EFCAB3: variants seen among roughly 807,000 people sequenced by gnomAD.
EFCAB3 encodes EF-hand calcium binding domain 3, also known as EF-hand calcium-binding domain-containing protein 3.
Under a neutral mutation model 42.2 loss-of-function variants are expected in EFCAB3, and 36 were observed. That is an observed-to-expected ratio of 0.85 (90% CI 0.65 to 1.13). EFCAB3 has a LOEUF of 1.13. EFCAB3 is among the 50% of genes most tolerant of loss of function. The pLI is 0.00. For missense variants in EFCAB3, 418 were observed against 505.1 expected, an observed-to-expected ratio of 0.83 and a Z score of 1.65; for synonymous variants, 170 against 172.8, an observed-to-expected ratio of 0.98 and a Z score of 0.13.
chr17:62,389,635 A>G (rs2144074419), intron 3 of EFCAB3, among the ~76,000 whole-genome samples: 1 of 152,276 alleles, frequency 6.6e-6, no homozygotes, highest in Non-Finnish European at 1.5e-5. Flanking sequence ...GAATTTCCGT[A>G]GACCCTCACC....
chr17:62,371,276 C>T (rs756667248), intron 1 of EFCAB3, among the ~76,000 whole-genome samples: 3 of 151,984 alleles, frequency 2.0e-5, no homozygotes, highest in Admixed American at 6.6e-5. Flanking sequence ...CCTGACTTGC[C>T]GGGCGCGGTG....
At chr17:62,412,709 C>T (rs375021454) in intron 8 of EFCAB3, among the ~76,000 whole-genome samples, 1 of 152,054 alleles carries the variant, frequency 6.6e-6, no homozygotes, top group East Asian at 1.9e-4. Flanking sequence ...ATCCACCCTC[C>T]TCAGCCTCCC....
chr17:62,406,474 T>C lies in EFCAB3; in HGVS notation c.489-6T>C, dbSNP rs531800638. On this transcript the variant is annotated splice_polypyrimidine_tract_variant and splice_region_variant and intron_variant, in intron 6 of 9. Transcript: ENST00000305286. ...ATCCATTTCTGAATTACTTTTTTTT[T>C]TAAAGCTATTTCCAAAGAAAATTCC... 6 of 1,566,256 alleles carry C rather than the reference T, an allele frequency of 3.8e-6. No homozygotes were observed. The highest frequency in any genetic ancestry group is 5.2e-6 in the Non-Finnish European group (6 of 1,157,140).
chr17:62,382,975 G>A lies in EFCAB3; in HGVS notation c.-5G>A, dbSNP rs2070216045. ...TTCTGAATTCCAGACAGAGTCACTG[G>A]CCACATGGCAGTTTCAGAAATTAAA... On this transcript the variant is annotated 5_prime_UTR_variant, in exon 2 of 10. Coordinates refer to ENST00000305286, the MANE Select transcript of EFCAB3 (RefSeq NM_173503.4). 3 of 1,612,696 alleles carry A rather than the reference G, an allele frequency of 1.9e-6. No homozygotes were observed. The highest frequency in any genetic ancestry group is 1.3e-5 in the African/African-American group (1 of 74,924).
At chr17:62,385,219 G>A (rs960080351) in intron 2 of EFCAB3, among the ~76,000 whole-genome samples, 2 of 152,146 alleles carry the variant, frequency 1.3e-5, no homozygotes, top group Admixed American at 1.3e-4. Context: ...AGAGGTGGGA[G>A]GAACACTTGA....
chr17:62,394,468 A>C (rs2070332332), intron 5 of EFCAB3, among the ~76,000 whole-genome samples: 1 of 152,196 alleles, frequency 6.6e-6, no homozygotes, highest in South Asian at 2.1e-4. Context: ...GTTAGAGAGC[A>C]TTAAGGTGTC....
chr17:62,393,453 C>A, intron 4 of EFCAB3, 120 bp from the exon 5 acceptor site: 1 of 787,504 alleles, frequency 1.3e-6, no homozygotes, highest in South Asian at 2.1e-5. Flanking sequence ...ATTTCCAGCC[C>A]TCAAATGCTC....
intron 4 of EFCAB3, among the ~76,000 whole-genome samples, 171 bp downstream of exon 4, chr17:62,392,136 C>G (rs1048721755): frequency 6.8e-6 from 1 of 147,982 alleles, no homozygotes; most frequent in Non-Finnish European, 1.5e-5. Flanking sequence ...TATATATACA[C>G]AAATATATAG....
chr17:62,378,205 G>A (rs555602090), upstream of EFCAB3, among the ~76,000 whole-genome samples: 14 of 152,194 alleles, frequency 9.2e-5, no homozygotes, highest in Admixed American at 5.9e-4. Flanking sequence ...TACCTTTATA[G>A]TCCACACCAC....
intron 2 of EFCAB3, among the ~76,000 whole-genome samples, chr17:62,385,864 C>T (rs1453413001): frequency 9.3e-5 from 14 of 150,594 alleles, no homozygotes; most frequent in East Asian, 3.9e-4. Context: ...GGACTACAGG[C>T]GCCCGCCACC....
intron 4 of EFCAB3, among the ~76,000 whole-genome samples, chr17:62,392,239 ATG>A (rs2070309545): frequency 6.6e-6 from 1 of 150,746 alleles, no homozygotes; most frequent in South Asian, 2.1e-4. Context: ...CCATATATCT[ATG>A]TATACACCAC....
At chr17:62,400,435 G>A (rs111641967) in intron 6 of EFCAB3, among the ~76,000 whole-genome samples, 7,394 of 152,120 alleles carry the variant, frequency 0.049, 617 homozygotes, top group African/African-American at 0.17. Context: ...GTGTCCAAGT[G>A]TTCTCATTGT....
chr17:62,416,398 G>T lies in EFCAB3; in HGVS notation c.*69G>T. On this transcript the variant is annotated 3_prime_UTR_variant, in exon 10 of 10. Transcript: ENST00000305286. ...ATAGTTATCAAAATTATTGTTTCTT[G>T]CTTTTGTCTAAGTACATTCTTAGAA... 1.6e-6 allele frequency: 2 copies of T among 1,275,018 alleles called. No homozygotes were observed. Among genetic ancestry groups the T allele is most frequent in the Non-Finnish European group, 2.1e-6 (2 of 937,574 alleles). 79.0% of individuals were successfully genotyped at this position (1,275,018 alleles called of 1,614,324 possible). A position where few individuals can be genotyped will look rare whatever the true frequency, so the allele number is the denominator to read the frequency against.
chr17:62,371,431 G>A (rs1015737328), intron 1 of EFCAB3, among the ~76,000 whole-genome samples: 16 of 151,968 alleles, frequency 1.1e-4, no homozygotes, highest in African/African-American at 3.9e-4. Flanking sequence ...GGTGGCACAC[G>A]TCTGTAATCC....
intron 4 of EFCAB3, 62 bp from the exon 5 acceptor site, chr17:62,393,511 T>C (rs2070321984): frequency 3.1e-6 from 4 of 1,271,492 alleles, no homozygotes; most frequent in Non-Finnish European, 4.5e-6. Flanking sequence ...TTATATTTAA[T>C]ATATACTCTG....
chr17:62,413,923 C>T (rs2070522032), intron 9 of EFCAB3, 69 bp downstream of exon 9: 1 of 1,475,106 alleles, frequency 6.8e-7, no homozygotes, highest in Non-Finnish European at 9.1e-7. Context: ...CAATACTACA[C>T]CATAAAACCA....
chr17:62,400,901 A>T (rs555227927), intron 6 of EFCAB3, among the ~76,000 whole-genome samples: 1 of 152,192 alleles, frequency 6.6e-6, no homozygotes, highest in African/African-American at 2.4e-5. Flanking sequence ...CTATTTCTCC[A>T]CATCCTCTCC....
chr17:62,391,927 A>G lies in EFCAB3; in HGVS notation c.257A>G (p.His86Arg). Residue 86 changes from histidine to arginine, a missense_variant, in exon 4 of 10, where the codon CAT becomes CGT. Coordinates refer to ENST00000305286, the MANE Select transcript of EFCAB3 (RefSeq NM_173503.4). ...VAKLGMNLTK[H>R]DVYNELKCAD... ...AAGCTGGGAATGAATCTGACCAAGCATGATGTCTATAATGAATTGAAATGT... is the reference window on the plus strand; with the variant it reads ...AAGCTGGGAATGAATCTGACCAAGCGTGATGTCTATAATGAATTGAAATGT... 7 of 1,612,874 alleles carry G rather than the reference A, an allele frequency of 4.3e-6. No individual in the cohort carries two copies. The highest frequency in any genetic ancestry group is 5.1e-6 in the Non-Finnish European group (6 of 1,179,186).
At position 62,406,564 on chromosome 17, in the gene EFCAB3, G is replaced by C. The variant is rs1237982446; in HGVS notation, c.573G>C (p.Lys191Asn). 4 of 1,613,892 alleles carry C rather than the reference G, an allele frequency of 2.5e-6. No individual in the cohort carries two copies. The highest frequency in any genetic ancestry group is 3.4e-6 in the Non-Finnish European group (4 of 1,180,010). Reference protein sequence around the residue: ...YTMGYGKRTLKPDICTPPSSS... With the variant: ...YTMGYGKRTLNPDICTPPSSS... The stretch of plus-strand genomic sequence containing the variant: ...TGGGCTATGGAAAAAGGACACTTAA[G>C]CCAGACATATGCACACCTCCAAGCT... The change falls in exon 7 of 10, where the codon AAG becomes AAC. Residue 191 changes from lysine to asparagine, a missense_variant. By Grantham distance (94) the Lys-to-Asn change is moderately conservative. Transcript: ENST00000305286.
Sources: allele counts gnomAD v4.1 joint callset (sites outside exome capture counted in the v4.1 genomes callset), GRCh38; gene constraint gnomAD v4.1.1; transcripts MANE v1.5; gene names NCBI Gene and HGNC (gene_info 2026-07-23, HGNC 2026-07-21).